NXPE2: variants seen among roughly 807,000 people sequenced by gnomAD.
NXPE2 encodes the protein neurexophilin and PC-esterase domain family member 2, also known as NXPE family member 2.
In NXPE2, 34 loss-of-function variants were observed where a neutral mutation model predicts 34.4. The ratio of observed to expected loss-of-function variants is 0.99; its 90% CI spans 0.75 to 1.31. The LOEUF (loss-of-function observed/expected upper bound fraction) is 1.31, where lower values mean the gene tolerates loss of function less well. Ranked by LOEUF, NXPE2 falls within the 40% of genes most tolerant of loss-of-function variation. NXPE2 has a pLI of 0.00. For synonymous variants in NXPE2, 235 were observed against 231.3 expected (o/e 1.02, Z -0.15); for missense variants, 649 against 672.5 (o/e 0.97, Z 0.39).
the NXPE2 span, among the ~76,000 whole-genome samples, chr11:114,713,587 T>C: frequency 3.3e-5 from 5 of 151,630 alleles, no homozygotes; most frequent in African/African-American, 1.2e-4. Context: ...GATCCACATT[T>C]GATTGAAAAA....
chr11:114,611,383 G>C, the NXPE2 span, among the ~76,000 whole-genome samples: 1 of 147,940 alleles, frequency 6.8e-6, no homozygotes. Flanking sequence ...GTGTTGCCTC[G>C]TGGGTAACCA....
At chr11:114,592,942 A>G in the NXPE2 span, among the ~76,000 whole-genome samples, 5 of 152,190 alleles carry the variant, frequency 3.3e-5, no homozygotes, top group African/African-American at 1.2e-4. Flanking sequence ...AGTATTTAAA[A>G]TAGATGGTGC....
chr11:114,633,311 A>G, the NXPE2 span, among the ~76,000 whole-genome samples: 2 of 140,744 alleles, frequency 1.4e-5, no homozygotes, highest in South Asian at 2.1e-4. Context: ...AATAAAATAT[A>G]TAATTATATT....
the NXPE2 span, among the ~76,000 whole-genome samples, chr11:114,662,973 G>C: frequency 1.3e-5 from 2 of 152,150 alleles, no homozygotes; most frequent in Non-Finnish European, 2.9e-5. Context: ...AGCCACAATG[G>C]AGGAGAGCAA....
the NXPE2 span, among the ~76,000 whole-genome samples, chr11:114,722,495 G>A: frequency 4.6e-5 from 7 of 151,852 alleles, no homozygotes; most frequent in Admixed American, 1.3e-4. Context: ...CACTATTTAC[G>A]TTTAATTTCC....
At chr11:114,633,972 A>G in the NXPE2 span, among the ~76,000 whole-genome samples, 1 of 152,004 alleles carries the variant, frequency 6.6e-6, no homozygotes, top group East Asian at 1.9e-4. Context: ...CTTTGGGTAT[A>G]TACCCAGTAA....
the NXPE2 span, among the ~76,000 whole-genome samples, chr11:114,631,126 G>A: frequency 6.6e-6 from 1 of 151,926 alleles, no homozygotes; most frequent in African/African-American, 2.4e-5. Flanking sequence ...CGATTCTCAG[G>A]GATCTAGAAC....
At chr11:114,651,516 A>G in the NXPE2 span, among the ~76,000 whole-genome samples, 2 of 152,228 alleles carry the variant, frequency 1.3e-5, no homozygotes, top group Non-Finnish European at 2.9e-5. Flanking sequence ...AACCTGCCAC[A>G]GCATGGAAGA....
the NXPE2 span, among the ~76,000 whole-genome samples, chr11:114,473,246 G>T: frequency 6.6e-6 from 1 of 152,120 alleles, no homozygotes; most frequent in Non-Finnish European, 1.5e-5. Context: ...AATTGCTTTT[G>T]ATTTTCTCAA....
the NXPE2 span, among the ~76,000 whole-genome samples, chr11:114,662,445 A>G: frequency 6.6e-6 from 1 of 152,164 alleles, no homozygotes; most frequent in Non-Finnish European, 1.5e-5. Context: ...GACTCTAACT[A>G]AACTTGAAAG....
chr11:114,493,617 A>G, the NXPE2 span, among the ~76,000 whole-genome samples: 1 of 152,156 alleles, frequency 6.6e-6, no homozygotes, highest in Non-Finnish European at 1.5e-5. Context: ...TGTGAACACT[A>G]CACTTTATCT....
At chr11:114,806,530 C>T in the NXPE2 span, among the ~76,000 whole-genome samples, 1 of 152,088 alleles carries the variant, frequency 6.6e-6, no homozygotes, top group Non-Finnish European at 1.5e-5. Flanking sequence ...AACCAAGGCA[C>T]GAGAGCTACA....
chr11:114,740,522 A>AT, the NXPE2 span, among the ~76,000 whole-genome samples: 5 of 151,940 alleles, frequency 3.3e-5, no homozygotes, highest in African/African-American at 1.2e-4. Context: ...TCTAGTTTTA[A>AT]TTTTTTGAGC....
At chr11:114,620,041 G>A in the NXPE2 span, among the ~76,000 whole-genome samples, 1 of 152,046 alleles carries the variant, frequency 6.6e-6, no homozygotes, top group African/African-American at 2.4e-5. Context: ...ACTCACTACT[G>A]CCTCGTGGGT....
At chr11:114,625,303 A>C in the NXPE2 span, among the ~76,000 whole-genome samples, 1 of 151,380 alleles carries the variant, frequency 6.6e-6, no homozygotes, top group East Asian at 2.0e-4. Flanking sequence ...ACAGTTACCC[A>C]GTGGATAATA....
the NXPE2 span, among the ~76,000 whole-genome samples, chr11:114,505,698 G>T: frequency 6.6e-6 from 1 of 152,134 alleles, no homozygotes; most frequent in African/African-American, 2.4e-5. Context: ...CTTACCACCA[G>T]ATCTGCCTTA....
At chr11:114,563,533 C>A in the NXPE2 span, among the ~76,000 whole-genome samples, 1 of 152,166 alleles carries the variant, frequency 6.6e-6, no homozygotes, top group African/African-American at 2.4e-5. Flanking sequence ...AGTTAACAGA[C>A]AACCCACAGA....
upstream of NXPE2, among the ~76,000 whole-genome samples, chr11:114,674,716 G>A (rs561664761): frequency 6.6e-6 from 1 of 151,730 alleles, no homozygotes; most frequent in South Asian, 2.1e-4. Flanking sequence ...ATGAATTCTA[G>A]TAAACATTAA....
chr11:114,523,361 C>A, the NXPE2 span, among the ~76,000 whole-genome samples: 4 of 152,176 alleles, frequency 2.6e-5, no homozygotes, highest in Admixed American at 2.0e-4. Flanking sequence ...TCTATCCTTT[C>A]TTTGACGTTC....
Sources: gnomAD v4.1 joint callset for allele counts (sites outside exome capture counted in the v4.1 genomes callset) on GRCh38, gnomAD v4.1.1 for gene constraint, MANE v1.5 for transcripts, NCBI Gene and HGNC (gene_info 2026-07-23, HGNC 2026-07-21) for gene names.